Variants in CSMD1 observed in about 807,000 individuals in gnomAD.
CSMD1 encodes the protein CUB and sushi domain-containing protein 1.
CSMD1 carries 213 observed loss-of-function variants against 417.5 expected under a neutral mutation model. The ratio of observed to expected loss-of-function variants is 0.51; its 90% confidence interval spans 0.46 to 0.57. The LOEUF is 0.57. Among genes scored for constraint, CSMD1 ranks in the 20% least tolerant of loss-of-function variants. The pLI is 0.00. For missense variants in CSMD1, 6,923 were observed against 4,529.7 expected, an observed-to-expected ratio of 1.53 and a Z score of -15.17; for synonymous variants, 2,862 against 1,736.8, an observed-to-expected ratio of 1.65 and a Z score of -16.11.
At chr8:4,035,698 G>A (rs372073886) in intron 3 of CSMD1, among the ~76,000 whole-genome samples, 1 of 152,144 alleles carries the variant, frequency 6.6e-6, no homozygotes, top group African/African-American at 2.4e-5. Flanking sequence ...CAAGGTTTAT[G>A]TTTTCAGTTA....
At chr8:2,986,836 C>T (rs749632821) in intron 54 of CSMD1, among the ~76,000 whole-genome samples, 9 of 151,958 alleles carry the variant, frequency 5.9e-5, no homozygotes, top group Admixed American at 2.6e-4. Context: ...GAAAATATGC[C>T]TAATGCAAAG....
At chr8:4,546,571 T>A (rs1329046484) in intron 2 of CSMD1, among the ~76,000 whole-genome samples, 1 of 152,136 alleles carries the variant, frequency 6.6e-6, no homozygotes, top group African/African-American at 2.4e-5. Context: ...GCACTTCTGG[T>A]TCTCAGGCCT....
At chr8:3,010,396 G>A (rs1367643541) in intron 52 of CSMD1, among the ~76,000 whole-genome samples, 1 of 152,112 alleles carries the variant, frequency 6.6e-6, no homozygotes. Flanking sequence ...CTCAAAACCT[G>A]CCCTAGAGCG....
At chr8:3,622,728 G>C (rs540478574) in intron 7 of CSMD1, among the ~76,000 whole-genome samples, 1 of 152,268 alleles carries the variant, frequency 6.6e-6, no homozygotes, top group South Asian at 2.1e-4. Context: ...TAAACAGTCA[G>C]AAAAAGTATG....
intron 12 of CSMD1, among the ~76,000 whole-genome samples, chr8:3,459,282 C>A (rs1183150026): frequency 1.3e-5 from 2 of 152,062 alleles, no homozygotes; most frequent in Admixed American, 1.3e-4. Flanking sequence ...CAGGGTGAGG[C>A]GAGGAGAGAC....
intron 1 of CSMD1, among the ~76,000 whole-genome samples, chr8:4,745,286 C>G (rs1204728817): frequency 6.6e-6 from 1 of 152,118 alleles, no homozygotes; most frequent in Non-Finnish European, 1.5e-5. Context: ...AAATTAAAAA[C>G]ACTATTGCAG....
In CSMD1 at chr8:3,928,733, C is replaced by G. The variant is rs1015854541; in HGVS notation, c.818+69170G>C. ...TGCTATTTCTTAATATACGTGAATA[C>G]TTTTGAACCCATTCTGAAATCAAAG... On this transcript the variant is annotated intron_variant, in intron 5 of 69. Transcript: ENST00000635120. Among the ~76,000 whole-genome samples the G allele has an allele frequency of 1.2e-4, 18 of 150,162 alleles. 2 individuals carry two copies. The highest frequency in any genetic ancestry group is 4.2e-4 in the African/African-American group (17 of 40,736).
intron 5 of CSMD1, among the ~76,000 whole-genome samples, chr8:3,778,602 C>G (rs1303851099): frequency 2.6e-5 from 4 of 152,198 alleles, no homozygotes; most frequent in African/African-American, 9.6e-5. Context: ...TCAGTGCCCT[C>G]TCCTGTCTCT....
intron 1 of CSMD1, among the ~76,000 whole-genome samples, chr8:4,840,101 C>G (rs1363435871): frequency 6.7e-5 from 3 of 44,882 alleles, no homozygotes; most frequent in Admixed American, 2.8e-4. Flanking sequence ...TACCTGTCCA[C>G]TCACTTAGAC....
chr8:3,474,207 C>A (rs142862878), intron 11 of CSMD1, among the ~76,000 whole-genome samples: 141 of 152,196 alleles, frequency 9.3e-4, no homozygotes, highest in African/African-American at 3.0e-3. Flanking sequence ...GGTTTATTGG[C>A]ATTAGCTAAT....
intron 5 of CSMD1, among the ~76,000 whole-genome samples, chr8:3,862,114 AC>A (rs1490039322): frequency 2.0e-5 from 3 of 152,110 alleles, no homozygotes; most frequent in African/African-American, 7.2e-5. Flanking sequence ...ATTTTTTTCA[AC>A]TTTTTAATCT....
At chr8:3,031,854 C>A (rs116031669) in intron 50 of CSMD1, among the ~76,000 whole-genome samples, 1,347 of 121,606 alleles carry the variant, frequency 0.011, 27 homozygotes, top group African/African-American at 0.039. Flanking sequence ...TGATTATTTG[C>A]TCACATCTCT....
chr8:3,678,781 C>A (rs34482861), intron 7 of CSMD1, among the ~76,000 whole-genome samples: 14 of 151,868 alleles, frequency 9.2e-5, no homozygotes, highest in South Asian at 2.1e-4. Context: ...TAAGTGCAGC[C>A]AGAGAGAAAG....
chr8:4,961,039 C>T (rs758966840), intron 1 of CSMD1, among the ~76,000 whole-genome samples: 4 of 152,054 alleles, frequency 2.6e-5, no homozygotes, highest in Non-Finnish European at 2.9e-5. Flanking sequence ...TCTTCCTCTT[C>T]TCACCCTACG....
At chr8:3,769,602 G>T (rs1346369758) in intron 5 of CSMD1, among the ~76,000 whole-genome samples, 1 of 152,020 alleles carries the variant, frequency 6.6e-6, no homozygotes, top group Non-Finnish European at 1.5e-5. Context: ...TAAAAGTGAA[G>T]TATCTATTTA....
intron 5 of CSMD1, among the ~76,000 whole-genome samples, chr8:3,832,199 G>C (rs556263232): frequency 1.5e-4 from 23 of 152,238 alleles, no homozygotes; most frequent in Admixed American, 1.2e-3. Flanking sequence ...AGTCACGTGG[G>C]ATGGAATAAG....
At chr8:4,070,830 G>A (rs1444516113) in intron 3 of CSMD1, among the ~76,000 whole-genome samples, 1 of 152,136 alleles carries the variant, frequency 6.6e-6, no homozygotes, top group Non-Finnish European at 1.5e-5. Context: ...CATTCTTGAA[G>A]GTTGTTTTCA....
At chr8:3,304,151 A>C (rs1004020758) in intron 25 of CSMD1, among the ~76,000 whole-genome samples, 1 of 152,192 alleles carries the variant, frequency 6.6e-6, no homozygotes, top group Non-Finnish European at 1.5e-5. Flanking sequence ...ATTTACATTA[A>C]GATATCATAG....
intron 3 of CSMD1, among the ~76,000 whole-genome samples, chr8:4,349,519 T>A (rs1336000079): frequency 6.6e-6 from 1 of 152,164 alleles, no homozygotes; most frequent in Non-Finnish European, 1.5e-5. Flanking sequence ...TTTTTCCCTT[T>A]CAACAGCCTT....
Sources: gnomAD v4.1 joint callset for allele counts (sites outside exome capture counted in the v4.1 genomes callset) on GRCh38, gnomAD v4.1.1 for gene constraint, MANE v1.5 for transcripts, NCBI Gene and HGNC (gene_info 2026-07-23, HGNC 2026-07-21) for gene names.